Variants in IPO9 observed in about 807,000 individuals in gnomAD.
The protein encoded by IPO9 is importin 9.
IPO9 carries 28 observed loss-of-function variants against 128.6 expected under a neutral mutation model. That is an observed-to-expected ratio of 0.22 (90% CI 0.16 to 0.30). The LOEUF (loss-of-function observed/expected upper bound fraction) is 0.30, where lower values mean the gene tolerates loss of function less well. Ranked by LOEUF, IPO9 falls within the 10% of genes least tolerant of loss-of-function variation. IPO9 has a pLI of 1.00. For synonymous variants in IPO9, 455 were observed against 475.8 expected (o/e 0.96, Z 0.57); for missense variants, 935 against 1,293.9 (o/e 0.72, Z 4.26).
chr1:201,876,454 A>G lies in IPO9; in HGVS notation c.*400A>G, dbSNP rs1454300145. On this transcript the variant is annotated 3_prime_UTR_variant, in exon 24 of 24. Transcript: ENST00000361565. ...TTTATATTCTAAAACAGACCTATCT[A>G]TGTTCATAGGACTTCTGATGTGTTC... is the stretch of plus-strand genomic sequence containing the variant. 19 of 349,702 alleles carry G rather than the reference A, an allele frequency of 5.4e-5. No homozygotes were observed. Among genetic ancestry groups the G allele is most frequent in the Middle Eastern group, 2.0e-3 (2 of 1,004 alleles). The allele number at this position is 349,702 out of a possible 1,614,324, so 21.7% of individuals were successfully genotyped here.
At chr1:201,868,411 G>T (rs770663291) in intron 15 of IPO9, among the ~76,000 whole-genome samples, 11 of 151,806 alleles carry the variant, frequency 7.2e-5, no homozygotes, top group Admixed American at 1.3e-4. Context: ...TTTATGAGTA[G>T]CTGTTAATGA....
At chr1:201,835,334 A>G (rs887036652) in intron 1 of IPO9, among the ~76,000 whole-genome samples, 2 of 152,186 alleles carry the variant, frequency 1.3e-5, no homozygotes, top group East Asian at 1.9e-4. Flanking sequence ...CAAGTTTTAG[A>G]TAGATAATGT....
In IPO9 at chr1:201,858,510, T is replaced by G. The variant is rs1470127763; in HGVS notation, c.1285T>G (p.Leu429Val). 2 of 1,595,534 alleles carry G rather than the reference T, an allele frequency of 1.3e-6. No homozygotes were observed. Among genetic ancestry groups the G allele is most frequent in the East Asian group, 4.5e-5 (2 of 44,648 alleles). ...AALAAAATRHLQEAEQTKNSG... is the reference protein window; with the variant it reads ...AALAAAATRHVQEAEQTKNSG... ...CCTGGCTGCTGCAGCCACTCGACAT[T>G]TACAAGAAGCTGAGCAAACCAAAAA... The change falls in exon 12 of 24, where the codon TTA becomes GTA. Residue 429 changes from leucine to valine, a missense_variant. Transcript: ENST00000361565.
chr1:201,873,185 G>T (rs1167573122), intron 20 of IPO9, among the ~76,000 whole-genome samples: 9 of 152,216 alleles, frequency 5.9e-5, no homozygotes, highest in Admixed American at 5.9e-4. Flanking sequence ...GCTCACGCCT[G>T]TAATCCCAGC....
chr1:201,868,529 A>G (rs1034936234), intron 15 of IPO9, 119 bp from the exon 16 acceptor site: 1 of 1,064,670 alleles, frequency 9.4e-7, no homozygotes, highest in Non-Finnish European at 1.3e-6. Flanking sequence ...CGGGTATGTG[A>G]TAAGTAATCA....
intron 4 of IPO9, 95 bp downstream of exon 4, chr1:201,848,689 G>GAATAACATCAGCAGC: frequency 6.7e-6 from 8 of 1,188,504 alleles, no homozygotes; most frequent in Non-Finnish European, 9.9e-6. Flanking sequence ...GGACCAGTAG[G>GAATAACATCAGCAGC]AATTGCTGCT....
At chr1:201,858,398 A>G in intron 11 of IPO9, 49 bp from the exon 12 acceptor site, 3 of 1,025,712 alleles carry the variant, frequency 2.9e-6, no homozygotes, top group African/African-American at 1.6e-5. Flanking sequence ...TACAATTAAA[A>G]TGCATTTAAT....
At chr1:201,837,830 G>T (rs940078581) in intron 1 of IPO9, among the ~76,000 whole-genome samples, 3 of 152,182 alleles carry the variant, frequency 2.0e-5, no homozygotes, top group Admixed American at 2.0e-4. Flanking sequence ...CAGCACTTTG[G>T]GAGGCTGAGG....
intron 1 of IPO9, among the ~76,000 whole-genome samples, chr1:201,836,388 A>C (rs982854225): frequency 2.6e-5 from 4 of 152,000 alleles, no homozygotes; most frequent in Non-Finnish European, 5.9e-5. Context: ...TTTGTTTCTT[A>C]GTTTGTTTTT....
At chr1:201,839,201 T>A (rs1385716894) in intron 1 of IPO9, among the ~76,000 whole-genome samples, 2 of 150,388 alleles carry the variant, frequency 1.3e-5, no homozygotes, top group African/African-American at 2.5e-5. Context: ...ATTACAGGCG[T>A]GAGCCACTGC....
chr1:201,880,385 A>G lies in IPO9; in HGVS notation c.*4331A>G, dbSNP rs889669446. The G allele has an allele frequency of 6.6e-6, 1 of 152,162 alleles. No individual in the cohort carries two copies. Among genetic ancestry groups the G allele is most frequent in the Non-Finnish European group, 1.5e-5 (1 of 68,040 alleles). 9.4% of individuals were successfully genotyped at this position (152,162 alleles called of 1,614,324 possible). ...TCAACCGGAGGCTCCCTGACAGATG[A>G]GTCCTCTGCCAGAGGAAGGCTAAGA... On this transcript the variant is annotated 3_prime_UTR_variant, in exon 24 of 24. Transcript: ENST00000361565.
At position 201,866,912 on chromosome 1, in the gene IPO9, G is replaced by T; in HGVS notation, c.1808G>T (p.Ser603Ile). The T allele has an allele frequency of 6.2e-7, 1 of 1,614,166 alleles. No individual in the cohort carries two copies. The highest frequency in any genetic ancestry group is 8.5e-7 in the Non-Finnish European group (1 of 1,180,028). ...VDPEFTASME[S>I]KICPFTIAIF... ...CCCGAATTCACAGCAAGCATGGAAA[G>T]CAAAATCTGCCCCTTCACCATCGCC... Residue 603 changes from serine (S) to isoleucine (I), a missense_variant, in exon 15 of 24, where the codon AGC becomes ATC. Transcript: ENST00000361565.
rs750101550 is a variant in IPO9, at chr1:201,874,942, C to T, written c.2938+6C>T. 3.8e-6 allele frequency: 6 copies of T among 1,591,166 alleles called. No homozygotes were observed. Among genetic ancestry groups the T allele is most frequent in the South Asian group, 1.1e-5 (1 of 90,608 alleles). On this transcript the variant is annotated splice_donor_region_variant and intron_variant, in intron 22 of 23. Transcript: ENST00000361565. ...TCTTGCTACAAGTAAATATGGTAAG[C>T]TGTTTGATAAGAGGACAGCCATGGT...
chr1:201,865,977 G>A (rs1039744451), intron 14 of IPO9, among the ~76,000 whole-genome samples: 2 of 152,186 alleles, frequency 1.3e-5, no homozygotes, highest in African/African-American at 4.8e-5. Context: ...AGATTACAGA[G>A]TTTGCATCAT....
rs1291275862 is a variant in IPO9 at position 201,869,704 on chromosome 1, A to C, written c.2119A>C (p.Asn707His). The change falls in exon 17 of 24, where the codon AAT becomes CAT. Residue 707 changes from asparagine to histidine, a missense_variant. This residue lies in a region of IPO9 where 741 missense variants were observed against 1,019.1 expected (regional missense o/e 0.73). Coordinates refer to ENST00000361565, the MANE Select transcript of IPO9 (RefSeq NM_018085.5). ...VAQCTLHTDDNATMQNGGECL... is the reference protein window; with the variant it reads ...VAQCTLHTDDHATMQNGGECL... ...ACAGTGTACCCTTCACACAGATGAC[A>C]ATGCCACCATGCAGGTATCTGAGAC... is the stretch of plus-strand genomic sequence containing the variant. The C allele has an allele frequency of 1.9e-6, 3 of 1,614,058 alleles. No homozygotes were observed. The highest frequency in any genetic ancestry group is 1.3e-5 in the African/African-American group (1 of 74,930).
intron 1 of IPO9, among the ~76,000 whole-genome samples, chr1:201,845,894 T>A (rs1434762250): frequency 6.6e-6 from 1 of 152,186 alleles, no homozygotes; most frequent in Non-Finnish European, 1.5e-5. Flanking sequence ...TTCCTCCTCT[T>A]TTCACAAAGA....
At chr1:201,861,969 G>T (rs895730698) in intron 13 of IPO9, among the ~76,000 whole-genome samples, 6 of 152,198 alleles carry the variant, frequency 3.9e-5, no homozygotes, top group Non-Finnish European at 7.3e-5. Context: ...AGAGTAAGAT[G>T]TAAGTTGCTA....
Position 201,874,255 on chromosome 1 carries a change from G to A in IPO9, c.2716G>A (p.Glu906Lys), listed in dbSNP as rs770563871. The A allele has an allele frequency of 6.2e-7, 1 of 1,613,698 alleles. No homozygotes were observed. The highest frequency in any genetic ancestry group is 8.5e-7 in the Non-Finnish European group (1 of 1,179,846). The change falls in exon 21 of 24, where the codon GAA becomes AAA. Residue 906 changes from glutamate to lysine, a missense_variant. Coordinates refer to ENST00000361565, the MANE Select transcript of IPO9 (RefSeq NM_018085.5). ...RTRSKSAKNP[E>K]RWTNIPLLVK... ...ACCTTTTTCTTCCTTCCCAGACCCA[G>A]AACGCTGGACAAACATTCCTTTGCT...
Position 201,852,196 on chromosome 1 carries a change from T to C in IPO9, c.603+4T>C, listed in dbSNP as rs748111817. The C allele has an allele frequency of 1.9e-6, 3 of 1,589,440 alleles. No homozygotes were observed. Among genetic ancestry groups the C allele is most frequent in the East Asian group, 4.5e-5 (2 of 44,768 alleles). On this transcript the variant is annotated splice_donor_region_variant and intron_variant, in intron 5 of 23. Transcript: ENST00000361565. ...TAAGATCTTCACCATGGCTGAGGTA[T>C]GAAATCTCAGCTCCAAGATTATAGT... is the stretch of plus-strand genomic sequence containing the variant.
Sources: gnomAD v4.1 joint callset for allele counts (sites outside exome capture counted in the v4.1 genomes callset) on GRCh38, gnomAD v4.1.1 for gene constraint, gnomAD v4.1.1 regional missense constraint, MANE v1.5 for transcripts, NCBI Gene and HGNC (gene_info 2026-07-23, HGNC 2026-07-21) for gene names.